Variants in CAMK1D observed in about 807,000 individuals in gnomAD.
CAMK1D encodes calcium/calmodulin-dependent protein kinase type 1D.
Under a neutral mutation model 47.7 loss-of-function variants are expected in CAMK1D, and 9 were observed. The observed-to-expected ratio is 0.19, with a 90% CI of 0.11 to 0.33. CAMK1D has a LOEUF of 0.33. Among genes scored for constraint, CAMK1D ranks in the 10% least tolerant of loss-of-function variants. CAMK1D has a pLI of 1.00. For synonymous variants in CAMK1D, 184 were observed against 184.9 expected, an observed-to-expected ratio of 0.99 and a Z score of 0.04; for missense variants, 291 against 488.7, an observed-to-expected ratio of 0.60 and a Z score of 3.81.
intron 1 of CAMK1D, among the ~76,000 whole-genome samples, chr10:12,517,140 C>T (rs967827983): frequency 6.6e-6 from 1 of 152,090 alleles, no homozygotes. Flanking sequence ...ATTTTTGCAG[C>T]TGTTGTGAAT....
chr10:12,565,816 T>C (rs932034794), intron 2 of CAMK1D, among the ~76,000 whole-genome samples: 2 of 152,048 alleles, frequency 1.3e-5, no homozygotes, highest in Admixed American at 6.6e-5. Flanking sequence ...TGTGTCTCTT[T>C]CCAATATGAT....
chr10:12,387,039 T>C (rs562571503), intron 1 of CAMK1D, among the ~76,000 whole-genome samples: 1 of 151,678 alleles, frequency 6.6e-6, no homozygotes, highest in South Asian at 2.1e-4. Context: ...CCGTCTCTAC[T>C]AAAAATACAA....
At chr10:12,620,200 A>T (rs1199177118) in intron 2 of CAMK1D, among the ~76,000 whole-genome samples, 1 of 145,114 alleles carries the variant, frequency 6.9e-6, no homozygotes, top group African/African-American at 2.5e-5. Flanking sequence ...AAAAAAAAAA[A>T]AAAAAAAAAA....
intron 1 of CAMK1D, among the ~76,000 whole-genome samples, chr10:12,431,947 G>A (rs1215994463): frequency 6.6e-6 from 1 of 152,246 alleles, no homozygotes; most frequent in African/African-American, 2.4e-5. Context: ...AGGGTCTGGA[G>A]AGACCTGTCA....
At chr10:12,566,880 G>A (rs936726692) in intron 2 of CAMK1D, among the ~76,000 whole-genome samples, 2 of 152,182 alleles carry the variant, frequency 1.3e-5, no homozygotes, top group Admixed American at 1.3e-4. Flanking sequence ...TAGATGCGCT[G>A]TTCTTTCTGA....
At position 12,382,429 on chromosome 10, in the gene CAMK1D, C is replaced by A. The variant is rs1189099676; in HGVS notation, c.92+32519C>A. ...CATGTTTTGGTAACTTACATAGGAT[C>A]TTTCATATGAAATACTCAGAAATAA... On this transcript the variant is annotated intron_variant, in intron 1 of 10. Coordinates refer to ENST00000619168, the MANE Select transcript of CAMK1D (RefSeq NM_153498.4). 2.6e-5 allele frequency among the ~76,000 whole-genome samples: 4 copies of A among 151,790 alleles called. No homozygotes were observed. The East Asian group carries it at 7.7e-4, about 29-fold the overall frequency.
At chr10:12,750,620 G>A (rs1053119715) in intron 3 of CAMK1D, among the ~76,000 whole-genome samples, 1 of 152,172 alleles carries the variant, frequency 6.6e-6, no homozygotes, top group African/African-American at 2.4e-5. Flanking sequence ...GGTGAAACAA[G>A]GGTACAACAT....
intron 6 of CAMK1D, among the ~76,000 whole-genome samples, chr10:12,806,689 G>A (rs903242714): frequency 2.0e-5 from 3 of 152,314 alleles, no homozygotes; most frequent in Non-Finnish European, 2.9e-5. Flanking sequence ...CAGGTGGAGG[G>A]CCAGGGAGAT....
At chr10:12,607,156 A>T (rs1838486888) in intron 2 of CAMK1D, among the ~76,000 whole-genome samples, 1 of 152,132 alleles carries the variant, frequency 6.6e-6, no homozygotes. Flanking sequence ...GCCCAGTTCC[A>T]TCTCTCTCGT....
chr10:12,822,232 C>T (rs771728215), intron 8 of CAMK1D, among the ~76,000 whole-genome samples: 2 of 152,102 alleles, frequency 1.3e-5, no homozygotes, highest in Non-Finnish European at 2.9e-5. Context: ...CATGGGTCAC[C>T]GTTGTCATTG....
intron 3 of CAMK1D, among the ~76,000 whole-genome samples, chr10:12,684,549 T>C (rs541508812): frequency 6.6e-6 from 1 of 152,330 alleles, no homozygotes; most frequent in African/African-American, 2.4e-5. Flanking sequence ...ATGATCTAAA[T>C]ACTAAAAGGC....
chr10:12,571,765 T>A (rs1314565280), intron 2 of CAMK1D, among the ~76,000 whole-genome samples: 1 of 152,124 alleles, frequency 6.6e-6, no homozygotes, highest in Admixed American at 6.5e-5. Flanking sequence ...CTACCTGAGC[T>A]CCAAATGGGT....
rs887501042 is a variant in CAMK1D, at chr10:12,732,959, A to G, written c.300-27989A>G. Among the ~76,000 whole-genome samples the G allele has an allele frequency of 6.1e-4, 93 of 152,114 alleles. 5 individuals carry two copies. ...ATCTGTTGAATGGAGACAATAGCAC[A>G]TGCCTCAAAGACAGAGCAGTTCTGA... On this transcript the variant is annotated intron_variant, in intron 3 of 10. Transcript: ENST00000619168.
chr10:12,491,476 A>ATAT (rs1554777250), intron 1 of CAMK1D, among the ~76,000 whole-genome samples: 2 of 152,046 alleles, frequency 1.3e-5, no homozygotes, highest in East Asian at 3.9e-4. Flanking sequence ...ATGTATATAT[A>ATAT]TTTTTTTGTT....
intron 3 of CAMK1D, among the ~76,000 whole-genome samples, chr10:12,682,336 GC>G (rs1314675730): frequency 6.6e-6 from 1 of 152,212 alleles, no homozygotes; most frequent in Non-Finnish European, 1.5e-5. Flanking sequence ...TATCTGTACA[GC>G]AATGGAAAGA....
rs898020154 is a variant in CAMK1D at position 12,749,996 on chromosome 10, C to T, written c.300-10952C>T. On this transcript the variant is annotated intron_variant, in intron 3 of 10. Coordinates refer to ENST00000619168, the MANE Select transcript of CAMK1D (RefSeq NM_153498.4). ...GCGCTGAGTGAGAAGGAGCCAAGGA[C>T]AGTGGATGCTTACCTGGAACGTCTG... Among the ~76,000 whole-genome samples, 6 of 152,154 alleles carry T rather than the reference C, an allele frequency of 3.9e-5. No homozygotes were observed. In the East Asian group the frequency reaches 1.2e-3, roughly 29 times the overall value.
rs1452252014 is a variant in CAMK1D at position 12,831,919 on chromosome 10, T to C, written c.*3032T>C. ...GTGCCTTTCGTGAAGGTCTGACAAATGGGGTCTCAGAGTCCTAGGACCCGC... is the reference window on the plus strand; with the variant it reads ...GTGCCTTTCGTGAAGGTCTGACAAACGGGGTCTCAGAGTCCTAGGACCCGC... On this transcript the variant is annotated 3_prime_UTR_variant, in exon 11 of 11. Coordinates refer to ENST00000619168, the MANE Select transcript of CAMK1D (RefSeq NM_153498.4). 1 of 152,186 alleles carries C rather than the reference T, an allele frequency of 6.6e-6. No individual in the cohort carries two copies. Among genetic ancestry groups the C allele is most frequent in the Non-Finnish European group, 1.5e-5 (1 of 68,038 alleles). 9.4% of individuals were successfully genotyped at this position (152,186 alleles called of 1,614,324 possible). A position where few individuals can be genotyped will look rare whatever the true frequency, so the allele number is the denominator to read the frequency against.
intron 3 of CAMK1D, among the ~76,000 whole-genome samples, chr10:12,690,153 G>A (rs1436022161): frequency 6.6e-6 from 1 of 152,146 alleles, no homozygotes; most frequent in Non-Finnish European, 1.5e-5. Context: ...TTGAACGCCT[G>A]TCTCACATGA....
At position 12,734,391 on chromosome 10, in the gene CAMK1D, GAT is replaced by G. The variant is rs1232057007; in HGVS notation, c.300-26543_300-26542del. Among the ~76,000 whole-genome samples, 327 of 24,320 alleles carry G rather than the reference GAT, an allele frequency of 0.013. 16 individuals are homozygous for G. In the South Asian group the frequency reaches 0.14, roughly 10 times the overall value. 16.0% of individuals were successfully genotyped at this position (24,320 alleles called of 152,430 possible). A position where few individuals can be genotyped will look rare whatever the true frequency, so the allele number is the denominator to read the frequency against. ...ATATATATATATAGATATAGATATA[GAT>G]ATATATATATATACACACACACACA... On this transcript the variant is annotated intron_variant, in intron 3 of 10. Transcript: ENST00000619168.
Sources: allele counts gnomAD v4.1 joint callset (sites outside exome capture counted in the v4.1 genomes callset), GRCh38; gene constraint gnomAD v4.1.1; transcripts MANE v1.5; gene names NCBI Gene and HGNC (gene_info 2026-07-23, HGNC 2026-07-21).